Variants in PHKA2 observed in about 807,000 individuals in gnomAD.
PHKA2 encodes the protein phosphorylase kinase regulatory subunit alpha 2.
Under a neutral mutation model 102.0 loss-of-function variants are expected in PHKA2, and 31 were observed. The ratio of observed to expected loss-of-function variants is 0.30; its 90% CI spans 0.23 to 0.41. PHKA2 has a LOEUF of 0.41. PHKA2 is among the 10% of genes least tolerant of loss of function. The pLI, the probability that PHKA2 is intolerant of heterozygous loss-of-function variation, is 1.00. For synonymous variants in PHKA2, 455 were observed against 416.2 expected (o/e 1.09, Z -1.13); for missense variants, 858 against 1,023.1 (o/e 0.84, Z 2.20).
chrX:18,948,587 A>AAT (rs2048625331), intron 5 of PHKA2, among the ~76,000 whole-genome samples, 157 bp downstream of exon 5: 1 of 112,561 alleles, frequency 8.9e-6, no homozygotes, highest in African/African-American at 3.2e-5. Context: ...CCAGGACAAA[A>AAT]ATATGCAGTT....
rs150571290 is a variant in PHKA2, at chrX:18,929,103, C to T, written c.1324+125G>A. ...TTATATAAGGCATCTCACACAACTG[C>T]TACATGCTAAAGCATAGGCACATAC... On this transcript the variant is annotated intron_variant, in intron 13 of 32. Coordinates refer to ENST00000379942, the MANE Select transcript of PHKA2 (RefSeq NM_000292.3). 0.011 allele frequency: 5,427 copies of T among 512,587 alleles called. 219 individuals are homozygous for T. In the African/African-American group the frequency reaches 0.11, roughly 11 times the overall value. 42.2% of individuals were successfully genotyped at this position (512,587 alleles called of 1,213,427 possible).
chrX:18,965,438 T>C (rs184063266), intron 1 of PHKA2, among the ~76,000 whole-genome samples: 64 of 111,911 alleles, frequency 5.7e-4, no homozygotes, highest in Non-Finnish European at 1.1e-3. Context: ...TTTGATATTT[T>C]CAATTATAAG....
chrX:18,926,473 C>CTA lies in PHKA2; in HGVS notation c.1437_1438dup (p.Ser480IlefsTer14). 8.3e-7 allele frequency: 1 copy of CTA among 1,206,656 alleles called. No individual in the cohort carries two copies. Among genetic ancestry groups the CTA allele is most frequent in the Non-Finnish European group, 1.1e-6 (1 of 890,602 alleles). On this transcript the variant is annotated frameshift_variant, in exon 14 of 33. Transcript: ENST00000379942. LOFTEE classifies it high-confidence loss of function. ...CCTACCAAGCTTGGCATATATGTGACTAAGAATCCGGCCCGGCTGGACTTG... is the reference window on the plus strand; with the variant it reads ...CCTACCAAGCTTGGCATATATGTGACTATAAGAATCCGGCCCGGCTGGACTTG...
chrX:18,940,147 T>A, intron 8 of PHKA2, 99 bp from the exon 9 acceptor site: 3 of 589,358 alleles, frequency 5.1e-6, no homozygotes, highest in Non-Finnish European at 3.0e-6. Context: ...CTTTTAGTAA[T>A]GAATTTTATA....
chrX:18,943,597 C>T, intron 7 of PHKA2, 113 bp downstream of exon 7: 2 of 627,665 alleles, frequency 3.2e-6, no homozygotes, highest in Non-Finnish European at 5.5e-6. Flanking sequence ...AAAACTGAAG[C>T]TCAAAGAAGC....
Position 18,916,153 on chromosome X carries a change from G to A in PHKA2, c.2137+2528C>T, listed in dbSNP as rs2048017122. 3.6e-5 allele frequency among the ~76,000 whole-genome samples: 4 copies of A among 112,199 alleles called. No homozygotes were observed. The South Asian group carries it at 1.5e-3, about 42-fold the overall frequency. On this transcript the variant is annotated intron_variant, in intron 19 of 32. Coordinates refer to ENST00000379942, the MANE Select transcript of PHKA2 (RefSeq NM_000292.3). ...GAATGAGCCGGGCACGGTGGCTCAC[G>A]CCTGTAATCCCAGCACTTTGGGAGG...
intron 14 of PHKA2, among the ~76,000 whole-genome samples, chrX:18,926,107 C>A (rs1601739992): frequency 8.9e-6 from 1 of 112,268 alleles, no homozygotes; most frequent in African/African-American, 3.2e-5. Context: ...GCATAGAGAA[C>A]CTCCTCCCAT....
chrX:18,899,732 G>C (rs759303406), intron 28 of PHKA2, among the ~76,000 whole-genome samples: 1 of 112,016 alleles, frequency 8.9e-6, no homozygotes, highest in South Asian at 3.7e-4. Context: ...CTAAAATCTA[G>C]AATGTACCCT....
At chrX:18,968,245 T>A (rs893244170) in intron 1 of PHKA2, among the ~76,000 whole-genome samples, 13 of 111,241 alleles carry the variant, frequency 1.2e-4, no homozygotes, top group African/African-American at 3.3e-4. Flanking sequence ...ATTAAAAAAA[T>A]TTTTTTTCAA....
At chrX:18,906,465 C>T (rs377332743) in intron 25 of PHKA2, 30 bp downstream of exon 25, 15 of 1,208,586 alleles carry the variant, frequency 1.2e-5, no homozygotes, top group East Asian at 3.0e-5. Flanking sequence ...TGGGGTGCGG[C>T]GGGAGCTGCA....
At position 18,952,538 on chromosome X, in the gene PHKA2, C is replaced by G; in HGVS notation, c.241G>C (p.Val81Leu). Residue 81 changes from valine (V) to leucine (L), a missense_variant, in exon 3 of 33, where the codon GTG becomes CTG. Physicochemically the swap from Val to Leu is conservative, Grantham distance 32 (BLOSUM62 1). Transcript: ENST00000379942. ...KAKAYELEQN[V>L]VKLMRGLLQC... is the part of the protein sequence containing the mutation. Reference sequence around the variant, plus strand: ...AGAAGACCTCGCATCAGCTTCACCACGTTCTGTGGAGATAAAGCAGAATCA... The same window carrying G: ...AGAAGACCTCGCATCAGCTTCACCAGGTTCTGTGGAGATAAAGCAGAATCA... 8.3e-7 allele frequency: 1 copy of G among 1,210,204 alleles called. No homozygotes were observed. Among genetic ancestry groups the G allele is most frequent in the Non-Finnish European group, 1.1e-6 (1 of 894,239 alleles).
chrX:18,899,274 G>C (rs773475274), intron 28 of PHKA2, 48 bp from the exon 29 acceptor site: 1 of 1,036,435 alleles, frequency 9.6e-7, no homozygotes, highest in Admixed American at 2.2e-5. Context: ...GACACCAAGA[G>C]ACACAGCAGA....
chrX:18,908,501 CAAT>C (rs1253588429), intron 21 of PHKA2, among the ~76,000 whole-genome samples: 1 of 112,389 alleles, frequency 8.9e-6, no homozygotes. Context: ...TTAACCCCCA[CAAT>C]GATGACATTA....
At chrX:18,926,785 C>T (rs187699521) in intron 13 of PHKA2, among the ~76,000 whole-genome samples, 198 bp from the exon 14 acceptor site, 3 of 111,728 alleles carry the variant, frequency 2.7e-5, no homozygotes, top group East Asian at 5.7e-4. Flanking sequence ...ACAACCTCAA[C>T]GCCTATTTAT....
chrX:18,897,423 G>C (rs1473236867), intron 29 of PHKA2, 90 bp from the exon 30 acceptor site: 1 of 872,263 alleles, frequency 1.1e-6, no homozygotes, highest in Non-Finnish European at 1.6e-6. Flanking sequence ...CTGCGACCTA[G>C]GCACAAATGC....
intron 18 of PHKA2, among the ~76,000 whole-genome samples, chrX:18,919,728 C>CAAAAAAAAAAAA (rs56042937): frequency 1.5e-4 from 4 of 27,570 alleles, no homozygotes; most frequent in East Asian, 1.2e-3. Context: ...CAAACAACAA[C>CAAAAAAAAAAAA]AAAAAAAAAA....
rs1251560457 is a variant in PHKA2 at position 18,894,373 on chromosome X, T to C, written c.3368A>G (p.His1123Arg). ...MTPHEIKFAV[H>R]VESVLNRVPQ... Reference sequence around the variant, plus strand: ...CACGCGGTTCAGCACCGATTCGACATGGACAGCAAACTTGATCTCATGCGG... The same window carrying C: ...CACGCGGTTCAGCACCGATTCGACACGGACAGCAAACTTGATCTCATGCGG... Residue 1123 changes from histidine (H) to arginine (R), a missense_variant, in exon 32 of 33, where the codon CAT becomes CGT. Coordinates refer to ENST00000379942, the MANE Select transcript of PHKA2 (RefSeq NM_000292.3). 1.4e-5 allele frequency: 17 copies of C among 1,211,798 alleles called. No homozygotes were observed. Among genetic ancestry groups the C allele is most frequent in the Non-Finnish European group, 1.8e-5 (16 of 895,487 alleles).
chrX:18,940,314 C>T (rs1276464484), intron 8 of PHKA2, among the ~76,000 whole-genome samples: 2 of 111,969 alleles, frequency 1.8e-5, no homozygotes, highest in Non-Finnish European at 3.8e-5. Flanking sequence ...AACGACCATG[C>T]CTTCATTCTG....
In PHKA2 at chrX:18,983,843, GT is replaced by G; in HGVS notation, c.78+11del. The G allele has an allele frequency of 8.3e-7, 1 of 1,199,143 alleles. No individual in the cohort carries two copies. The highest frequency in any genetic ancestry group is 1.1e-6 in the Non-Finnish European group (1 of 883,655). Reference sequence around the variant, plus strand: ...TAGTTCCACGCGTTCCCTGGGGGCGGTCCCTCCTTACCTGGTAACACAGGAT... The same window carrying G: ...TAGTTCCACGCGTTCCCTGGGGGCGGCCCTCCTTACCTGGTAACACAGGAT... On this transcript the variant is annotated intron_variant, in intron 1 of 32. Coordinates refer to ENST00000379942, the MANE Select transcript of PHKA2 (RefSeq NM_000292.3).
Sources: gnomAD v4.1 joint callset for allele counts (sites outside exome capture counted in the v4.1 genomes callset) on GRCh38, gnomAD v4.1.1 for gene constraint, MANE v1.5 for transcripts, NCBI Gene and HGNC (gene_info 2026-07-23, HGNC 2026-07-21) for gene names.